Variants in MTMR7 observed in about 807,000 individuals in gnomAD.
The protein encoded by MTMR7 is myotubularin related protein 7.
In MTMR7, 76 loss-of-function variants were observed where a neutral mutation model predicts 81.2. That is an observed-to-expected ratio of 0.94 (90% CI 0.78 to 1.13). MTMR7 has a LOEUF of 1.13. Ranked by LOEUF, MTMR7 falls within the 50% of genes most tolerant of loss-of-function variation. The pLI, the probability that MTMR7 is intolerant of heterozygous loss-of-function variation, is 0.00. For synonymous variants in MTMR7, 372 were observed against 289.8 expected (o/e 1.28, Z -2.88); for missense variants, 1,044 against 820.0 (o/e 1.27, Z -3.34).
chr8:17,318,218 C>T (rs1402220672), intron 7 of MTMR7, among the ~76,000 whole-genome samples: 1 of 152,080 alleles, frequency 6.6e-6, no homozygotes, highest in Admixed American at 6.6e-5. Flanking sequence ...TCCTTATGCA[C>T]GGAAGCCCCC....
chr8:17,409,588 G>C (rs555750734), intron 1 of MTMR7, among the ~76,000 whole-genome samples: 5 of 152,210 alleles, frequency 3.3e-5, no homozygotes, highest in African/African-American at 1.2e-4. Context: ...AGATACAAAG[G>C]GTGAACAAAA....
intron 1 of MTMR7, among the ~76,000 whole-genome samples, chr8:17,395,746 G>C (rs770783369): frequency 2.6e-5 from 4 of 152,140 alleles, no homozygotes; most frequent in Non-Finnish European, 4.4e-5. Context: ...GTCTATTCAA[G>C]TCCTTTGCCC....
At chr8:17,339,331 T>C (rs1340735500) in intron 6 of MTMR7, among the ~76,000 whole-genome samples, 2 of 152,228 alleles carry the variant, frequency 1.3e-5, no homozygotes, top group Non-Finnish European at 2.9e-5. Context: ...GTGTTTGGTA[T>C]ACCCACAGAG....
At chr8:17,331,591 T>A (rs1819007060) in intron 6 of MTMR7, among the ~76,000 whole-genome samples, 1 of 152,220 alleles carries the variant, frequency 6.6e-6, no homozygotes, top group South Asian at 2.1e-4. Flanking sequence ...GAATGTGGAA[T>A]TCTGTGATGG....
intron 7 of MTMR7, among the ~76,000 whole-genome samples, chr8:17,325,803 A>C (rs1004663872): frequency 1.3e-5 from 2 of 152,232 alleles, no homozygotes; most frequent in Non-Finnish European, 2.9e-5. Context: ...CTTTTGAATA[A>C]AGAAATTCAG....
chr8:17,334,351 T>TG (rs1819156043), intron 6 of MTMR7, among the ~76,000 whole-genome samples: 1 of 152,250 alleles, frequency 6.6e-6, no homozygotes, highest in African/African-American at 2.4e-5. Flanking sequence ...AACAAATCGC[T>TG]ATTACTACAT....
At chr8:17,365,024 T>C (rs1166466039) in intron 3 of MTMR7, among the ~76,000 whole-genome samples, 1 of 152,228 alleles carries the variant, frequency 6.6e-6, no homozygotes, top group Admixed American at 6.5e-5. Context: ...TAATTTACAT[T>C]CCCACCAACA....
At chr8:17,361,827 G>GT (rs1484519968) in intron 3 of MTMR7, among the ~76,000 whole-genome samples, 2 of 152,150 alleles carry the variant, frequency 1.3e-5, no homozygotes, top group Admixed American at 6.5e-5. Context: ...CATAAATATC[G>GT]TAATTGTGCT....
chr8:17,359,257 A>G (rs1195045797), intron 4 of MTMR7, among the ~76,000 whole-genome samples: 1 of 152,154 alleles, frequency 6.6e-6, no homozygotes, highest in Non-Finnish European at 1.5e-5. Flanking sequence ...TTGACGGACT[A>G]CTGTACAATC....
chr8:17,335,936 C>T (rs1819223160), intron 6 of MTMR7, among the ~76,000 whole-genome samples: 1 of 152,176 alleles, frequency 6.6e-6, no homozygotes, highest in Admixed American at 6.5e-5. Flanking sequence ...CCGGCCCACC[C>T]TCCCTCTCCT....
At chr8:17,314,574 G>A (rs996162552) in intron 7 of MTMR7, among the ~76,000 whole-genome samples, 2 of 152,102 alleles carry the variant, frequency 1.3e-5, no homozygotes, top group Non-Finnish European at 2.9e-5. Flanking sequence ...CAAGAATGCA[G>A]ATAAGAGGAT....
intron 4 of MTMR7, among the ~76,000 whole-genome samples, chr8:17,356,356 A>T (rs1261775622): frequency 3.3e-5 from 5 of 152,180 alleles, no homozygotes; most frequent in African/African-American, 1.2e-4. Flanking sequence ...AACTAATTAA[A>T]GATATTTGGG....
chr8:17,317,795 G>A (rs1289508852), intron 7 of MTMR7, among the ~76,000 whole-genome samples: 1 of 152,118 alleles, frequency 6.6e-6, no homozygotes, highest in African/African-American at 2.4e-5. Flanking sequence ...GCCATAAATT[G>A]CAGCTTTTTT....
At chr8:17,377,901 G>C (rs1049396386) in intron 1 of MTMR7, among the ~76,000 whole-genome samples, 25 of 152,150 alleles carry the variant, frequency 1.6e-4, no homozygotes, top group African/African-American at 5.5e-4. Flanking sequence ...TGAAAGTATG[G>C]GAGGAGAAAA....
intron 1 of MTMR7, among the ~76,000 whole-genome samples, chr8:17,400,303 T>C (rs1427946969): frequency 1.3e-5 from 2 of 152,198 alleles, no homozygotes; most frequent in Non-Finnish European, 2.9e-5. Context: ...AAGAGGTGAG[T>C]ACTGTTGTTA....
chr8:17,383,520 G>A (rs1481987202), intron 1 of MTMR7, among the ~76,000 whole-genome samples: 2 of 152,164 alleles, frequency 1.3e-5, no homozygotes, highest in African/African-American at 4.8e-5. Flanking sequence ...AACCAGAAGT[G>A]TCCACTTCCC....
At chr8:17,320,939 G>A (rs1388177252) in intron 7 of MTMR7, among the ~76,000 whole-genome samples, 3 of 152,176 alleles carry the variant, frequency 2.0e-5, no homozygotes, top group African/African-American at 7.2e-5. Flanking sequence ...TCCACTGCGT[G>A]AAGTCTCAGG....
chr8:17,322,844 A>G (rs553608799), intron 7 of MTMR7, among the ~76,000 whole-genome samples: 1 of 151,404 alleles, frequency 6.6e-6, no homozygotes, highest in East Asian at 1.9e-4. Context: ...AAATATATGT[A>G]TGTGTGTGCC....
At chr8:17,315,532 G>A (rs1203598205) in intron 7 of MTMR7, among the ~76,000 whole-genome samples, 2 of 152,208 alleles carry the variant, frequency 1.3e-5, no homozygotes, top group Non-Finnish European at 2.9e-5. Context: ...CGTCGGGGAT[G>A]TGAATAATGC....
Sources: allele counts gnomAD v4.1 joint callset (sites outside exome capture counted in the v4.1 genomes callset), GRCh38; gene constraint gnomAD v4.1.1; transcripts MANE v1.5; gene names NCBI Gene and HGNC (gene_info 2026-07-23, HGNC 2026-07-21).